Variants in PRDM16 observed in about 807,000 individuals in gnomAD.
PRDM16 encodes PR/SET domain 16, also known as histone-lysine N-methyltransferase PRDM16.
In PRDM16, 23 loss-of-function variants were observed where a neutral mutation model predicts 110.6. The observed-to-expected ratio is 0.21, with a 90% CI of 0.15 to 0.29. The LOEUF (loss-of-function observed/expected upper bound fraction) is 0.29. PRDM16 is among the 10% of genes least tolerant of loss of function. PRDM16 has a pLI of 1.00. For missense variants in PRDM16, 1,615 were observed against 1,794.3 expected (o/e 0.90, Z 1.81); for synonymous variants, 799 against 781.8 (o/e 1.02, Z -0.37).
At chr1:3,142,683 G>A (rs1221909369) in intron 1 of PRDM16, among the ~76,000 whole-genome samples, 1 of 152,190 alleles carries the variant, frequency 6.6e-6, no homozygotes, top group African/African-American at 2.4e-5. Flanking sequence ...GGATTCCCAA[G>A]CCTCGTGCTC....
At chr1:3,352,210 CCT>C (rs1043248825) in intron 3 of PRDM16, among the ~76,000 whole-genome samples, 21 of 152,190 alleles carry the variant, frequency 1.4e-4, no homozygotes, top group African/African-American at 5.1e-4. Context: ...CGTGTTTGGC[CCT>C]CTCTGCCATG....
At chr1:3,338,830 G>C (rs1642213785) in intron 3 of PRDM16, among the ~76,000 whole-genome samples, 1 of 152,218 alleles carries the variant, frequency 6.6e-6, no homozygotes, top group Non-Finnish European at 1.5e-5. Context: ...CCACCGTCCT[G>C]TTTTCTTTGG....
chr1:3,120,593 C>CA (rs1257441312), intron 1 of PRDM16, among the ~76,000 whole-genome samples: 1 of 152,128 alleles, frequency 6.6e-6, no homozygotes, highest in East Asian at 1.9e-4. Flanking sequence ...GGGAGACCCC[C>CA]ACCCCTCTGT....
chr1:3,207,746 T>C (rs1337802130), intron 2 of PRDM16: 1 of 152,240 alleles, frequency 6.6e-6, no homozygotes, highest in Non-Finnish European at 1.5e-5. Context: ...TCCCCCTCTC[T>C]AGAGTCAGAA....
chr1:3,299,192 C>G (rs1641155276), intron 3 of PRDM16, among the ~76,000 whole-genome samples: 1 of 150,954 alleles, frequency 6.6e-6, no homozygotes, highest in African/African-American at 2.5e-5. Flanking sequence ...TGTTTCAGAT[C>G]CCAGTCGTGG....
intron 8 of PRDM16, among the ~76,000 whole-genome samples, chr1:3,405,901 G>T (rs1463794178): frequency 6.6e-6 from 1 of 152,210 alleles, no homozygotes; most frequent in Non-Finnish European, 1.5e-5. Flanking sequence ...TCACCTCACA[G>T]GGGCTGGAGG....
rs1236032205 is a variant in PRDM16, at chr1:3,278,100, CTTCTCA to C, written c.438+33971_438+33976del. On this transcript the variant is annotated intron_variant, in intron 3 of 16. Coordinates refer to ENST00000270722, the MANE Select transcript of PRDM16 (RefSeq NM_022114.4). ...CAAGTCTGAGACAGTGTGAAGGCTT[CTTCTCA>C]TTCTCATGGCCATTTCCCCAACCCC... Among the ~76,000 whole-genome samples, 3 of 152,144 alleles carry C rather than the reference CTTCTCA, an allele frequency of 2.0e-5. No individual in the cohort carries two copies. The East Asian group carries it at 5.8e-4, about 29-fold the overall frequency.
At position 3,400,975 on chromosome 1, in the gene PRDM16, G is replaced by T. The variant is rs74420686; in HGVS notation, c.677-1816G>T. On this transcript the variant is annotated intron_variant, in intron 5 of 16. Transcript: ENST00000270722. ...GCATCTGTACCTTGGTTGGCAAGGG[G>T]TGGGTGGGTGCGTGCCATCCAGTAT... Among the ~76,000 whole-genome samples, 1,320 of 152,240 alleles carry T rather than the reference G, an allele frequency of 8.7e-3. 17 individuals carry two copies. The highest frequency in any genetic ancestry group is 0.03 in the African/African-American group (1,265 of 41,540).
intron 3 of PRDM16, among the ~76,000 whole-genome samples, chr1:3,293,148 C>A (rs553175489): frequency 1.3e-5 from 2 of 152,374 alleles, no homozygotes; most frequent in South Asian, 4.1e-4. Flanking sequence ...GGGGCTCAGA[C>A]ACGTGTTGAG....
At chr1:3,189,445 G>A (rs1337306162) in intron 2 of PRDM16, among the ~76,000 whole-genome samples, 1 of 152,164 alleles carries the variant, frequency 6.6e-6, no homozygotes, top group Non-Finnish European at 1.5e-5. Flanking sequence ...GAAAAACATG[G>A]GTGCCAGCGT....
chr1:3,284,645 C>T (rs1640806187), intron 3 of PRDM16, among the ~76,000 whole-genome samples: 2 of 152,216 alleles, frequency 1.3e-5, no homozygotes, highest in Admixed American at 1.3e-4. Flanking sequence ...GGTCTTGATA[C>T]AGATCATCTT....
In PRDM16 at chr1:3,190,345, G is replaced by T. The variant is rs903697601; in HGVS notation, c.387+3871G>T. On this transcript the variant is annotated intron_variant, in intron 2 of 16. Coordinates refer to ENST00000270722, the MANE Select transcript of PRDM16 (RefSeq NM_022114.4). This position sits in a 1 kb window ranked among gnomAD's most constrained non-coding sequence, Gnocchi z 5.0. ...TAGCAACGCAGGAATGAGGCTGGGG[G>T]TCGGGAGCTGAGTTTCCTCCGGCCT... Among the ~76,000 whole-genome samples the T allele has an allele frequency of 9.2e-5, 14 of 152,216 alleles. No homozygotes were observed. The highest frequency in any genetic ancestry group is 2.9e-4 in the African/African-American group (12 of 41,446).
intron 3 of PRDM16, among the ~76,000 whole-genome samples, chr1:3,333,590 G>A (rs1889122): frequency 0.33 from 50,884 of 152,044 alleles, 9,001 homozygotes; most frequent in South Asian, 0.44. Context: ...GCCTTCCTCC[G>A]AAGGCATCTA....
intron 3 of PRDM16, among the ~76,000 whole-genome samples, chr1:3,306,263 G>T (rs1321816710): frequency 2.0e-5 from 3 of 152,206 alleles, no homozygotes; most frequent in Non-Finnish European, 4.4e-5. Context: ...TCAGTGCTGG[G>T]GACATCACAG....
chr1:3,308,393 G>C (rs1009329846), intron 3 of PRDM16: 10 of 152,374 alleles, frequency 6.6e-5, no homozygotes, highest in African/African-American at 2.4e-4. Flanking sequence ...TGCAAACCGG[G>C]ATGGTCACCG....
chr1:3,366,045 G>T (rs1341929042), intron 3 of PRDM16, among the ~76,000 whole-genome samples: 1 of 152,186 alleles, frequency 6.6e-6, no homozygotes, highest in Non-Finnish European at 1.5e-5. Context: ...TGCCACATAC[G>T]CACAGAACTG....
At chr1:3,417,700 G>T in intron 10 of PRDM16, 128 bp from the exon 11 acceptor site, 1 of 793,598 alleles carries the variant, frequency 1.3e-6, no homozygotes, top group South Asian at 1.5e-5. Context: ...AATACTAGGA[G>T]ACCATTGCTT....
intron 3 of PRDM16, among the ~76,000 whole-genome samples, chr1:3,282,514 G>A (rs1640730764): frequency 6.6e-6 from 1 of 152,204 alleles, no homozygotes; most frequent in African/African-American, 2.4e-5. Flanking sequence ...CTTAGCTGAG[G>A]ATACCCCTGA....
chr1:3,254,212 T>G (rs1468753550), intron 3 of PRDM16, among the ~76,000 whole-genome samples: 1 of 152,218 alleles, frequency 6.6e-6, no homozygotes, highest in African/African-American at 2.4e-5. Context: ...TTAGTTTAAT[T>G]AGATCCCATT....
Sources: gnomAD v4.1 joint callset for allele counts (sites outside exome capture counted in the v4.1 genomes callset) on GRCh38, gnomAD v4.1.1 for gene constraint, Gnocchi (gnomAD v3.1) non-coding constraint, MANE v1.5 for transcripts, NCBI Gene and HGNC (gene_info 2026-07-23, HGNC 2026-07-21) for gene names.